ASIC2: variants seen among roughly 807,000 people sequenced by gnomAD.
The protein encoded by ASIC2 is acid sensing ion channel subunit 2.
In ASIC2, 25 loss-of-function variants were observed where a neutral mutation model predicts 57.3. The ratio of observed to expected loss-of-function variants is 0.44; its 90% CI spans 0.32 to 0.61. The LOEUF (loss-of-function observed/expected upper bound fraction) is 0.61. Among genes scored for constraint, ASIC2 ranks in the 20% least tolerant of loss-of-function variants. The pLI, the probability that ASIC2 is intolerant of heterozygous loss-of-function variation, is 0.06. For synonymous variants in ASIC2, 319 were observed against 307.5 expected, an observed-to-expected ratio of 1.04 and a Z score of -0.39; for missense variants, 641 against 738.1, an observed-to-expected ratio of 0.87 and a Z score of 1.52.
intron 1 of ASIC2, among the ~76,000 whole-genome samples, chr17:34,094,390 C>T (rs1910444036): frequency 6.6e-6 from 1 of 152,220 alleles, no homozygotes; most frequent in African/African-American, 2.4e-5. Context: ...GGTGCTCAAA[C>T]TCAGACCTCA....
chr17:33,589,502 C>T (rs747074552), intron 1 of ASIC2, among the ~76,000 whole-genome samples: 4 of 152,098 alleles, frequency 2.6e-5, no homozygotes, highest in Admixed American at 6.5e-5. Flanking sequence ...ACCCTGTGCC[C>T]GTGCAGCAAA....
At chr17:34,038,894 C>T (rs1264537998) in intron 1 of ASIC2, 1 of 1,612,630 alleles carries the variant, frequency 6.2e-7, no homozygotes, top group Non-Finnish European at 8.5e-7. Context: ...TGAATTTATC[C>T]TTTCCTGTTG....
At chr17:33,788,277 T>C (rs573234074) in intron 1 of ASIC2, among the ~76,000 whole-genome samples, 2 of 152,166 alleles carry the variant, frequency 1.3e-5, no homozygotes, top group East Asian at 3.9e-4. Flanking sequence ...AAAGAAGACA[T>C]TTACATGGCC....
chr17:33,356,555 T>A (rs1908380443), intron 1 of ASIC2, among the ~76,000 whole-genome samples: 1 of 152,102 alleles, frequency 6.6e-6, no homozygotes, highest in South Asian at 2.1e-4. Context: ...ATTACTATCT[T>A]CTGTGTGCCA....
intron 1 of ASIC2, among the ~76,000 whole-genome samples, chr17:33,606,597 T>G (rs1455773253): frequency 1.3e-5 from 2 of 152,194 alleles, no homozygotes; most frequent in African/African-American, 4.8e-5. Flanking sequence ...GGTCTGTGCT[T>G]CTTCTCCAAC....
At chr17:33,552,748 T>C (rs1915790245) in intron 1 of ASIC2, among the ~76,000 whole-genome samples, 1 of 152,230 alleles carries the variant, frequency 6.6e-6, no homozygotes, top group Non-Finnish European at 1.5e-5. Flanking sequence ...GTAACAATTT[T>C]AGGGCAGTGA....
intron 3 of ASIC2, among the ~76,000 whole-genome samples, chr17:33,037,917 G>C (rs543932015): frequency 6.6e-6 from 1 of 152,282 alleles, no homozygotes; most frequent in East Asian, 1.9e-4. Flanking sequence ...CTATTTGGCT[G>C]GGATGGGAAG....
intron 1 of ASIC2, among the ~76,000 whole-genome samples, chr17:33,581,675 A>C (rs1318639992): frequency 6.6e-6 from 1 of 152,174 alleles, no homozygotes; most frequent in Non-Finnish European, 1.5e-5. Flanking sequence ...TCAGATTCCT[A>C]TTGGCTACCC....
intron 1 of ASIC2, among the ~76,000 whole-genome samples, chr17:33,123,733 G>T (rs2092311902): frequency 3.9e-5 from 6 of 152,158 alleles, no homozygotes; most frequent in Non-Finnish European, 7.3e-5. Flanking sequence ...GGCTTGGGTG[G>T]GCTAATTCCT....
At chr17:33,506,238 C>CG (rs1914251333) in intron 1 of ASIC2, among the ~76,000 whole-genome samples, 1 of 114,138 alleles carries the variant, frequency 8.8e-6, no homozygotes, top group Non-Finnish European at 1.8e-5. Context: ...ACTAAAAATA[C>CG]AAAAAAAAAA....
chr17:33,917,834 T>C (rs1236551339), intron 1 of ASIC2, among the ~76,000 whole-genome samples: 1 of 151,438 alleles, frequency 6.6e-6, no homozygotes, highest in Non-Finnish European at 1.5e-5. Context: ...GTAGTTTAGC[T>C]TACCAGACCA....
At chr17:33,583,633 G>A (rs540797422) in intron 1 of ASIC2, among the ~76,000 whole-genome samples, 7 of 152,262 alleles carry the variant, frequency 4.6e-5, no homozygotes, top group Non-Finnish European at 7.4e-5. Flanking sequence ...GTTTTGCATC[G>A]GTGTTTAGGG....
chr17:33,144,526 C>G (rs571695632), intron 1 of ASIC2, among the ~76,000 whole-genome samples: 1 of 152,232 alleles, frequency 6.6e-6, no homozygotes, highest in African/African-American at 2.4e-5. Context: ...CTCCCTTTAC[C>G]CAAGCCAGTT....
At chr17:33,242,587 C>T (rs1015173927) in intron 1 of ASIC2, among the ~76,000 whole-genome samples, 1 of 152,190 alleles carries the variant, frequency 6.6e-6, no homozygotes, top group African/African-American at 2.4e-5. Context: ...CAGCCAAGTA[C>T]ATCCTAGCAC....
chr17:33,026,641 C>T (rs1168727437), intron 4 of ASIC2, among the ~76,000 whole-genome samples: 1 of 152,164 alleles, frequency 6.6e-6, no homozygotes, highest in Non-Finnish European at 1.5e-5. Context: ...TGATTGACAC[C>T]TCTACTGCTT....
Position 33,344,808 on chromosome 17 carries a change from GACCA to G in ASIC2, c.556-232745_556-232742del, listed in dbSNP as rs1445600095. On this transcript the variant is annotated intron_variant, in intron 1 of 9. Transcript: ENST00000359872. ...AGACAGGCCACTCTTTGGGGACAGA[GACCA>G]TGTCTTAGCTCTGTATTCTTGGTGT... Among the ~76,000 whole-genome samples the G allele has an allele frequency of 3.3e-5, 5 of 152,246 alleles. No individual in the cohort carries two copies. The East Asian group carries it at 9.7e-4, about 29-fold the overall frequency.
chr17:33,127,120 C>T (rs977635855), intron 1 of ASIC2, among the ~76,000 whole-genome samples: 19 of 149,668 alleles, frequency 1.3e-4, no homozygotes, highest in Admixed American at 1.3e-4. Context: ...CCACCCGCCT[C>T]GGCCTCCCAA....
chr17:34,127,554 T>C (rs1911824733), intron 1 of ASIC2, among the ~76,000 whole-genome samples: 1 of 152,162 alleles, frequency 6.6e-6, no homozygotes, highest in Non-Finnish European at 1.5e-5. Context: ...CAGCAATCAA[T>C]TTTTCTCTAC....
Position 34,036,504 on chromosome 17 carries a change from C to A in ASIC2, c.555+119474G>T, listed in dbSNP as rs187672897. 7.6e-3 allele frequency among the ~76,000 whole-genome samples: 1,148 copies of A among 150,768 alleles called. 11 individuals carry two copies. The highest frequency in any genetic ancestry group is 0.026 in the African/African-American group (1,074 of 41,050). ...AACCTGCACGTTGTGCACACGTACC[C>A]TAAAACTTAAAGTATAATAATAATA... On this transcript the variant is annotated intron_variant, in intron 1 of 9. Coordinates refer to the ASIC2 transcript ENST00000359872.
Sources: allele counts gnomAD v4.1 joint callset (sites outside exome capture counted in the v4.1 genomes callset), GRCh38; gene constraint gnomAD v4.1.1; transcripts MANE v1.5; gene names NCBI Gene and HGNC (gene_info 2026-07-23, HGNC 2026-07-21).